LTV1: variants seen among roughly 807,000 people sequenced by gnomAD.
The protein encoded by LTV1 is LTV1 ribosome biogenesis factor, also known as protein LTV1 homolog.
Under a neutral mutation model 59.9 loss-of-function variants are expected in LTV1, and 39 were observed. That is an observed-to-expected ratio of 0.65 (90% CI 0.50 to 0.85). The LOEUF (loss-of-function observed/expected upper bound fraction) is 0.85, where lower values mean the gene tolerates loss of function less well. Ranked by LOEUF, LTV1 falls within the 40% of genes least tolerant of loss-of-function variation. The pLI is 0.00. For missense variants in LTV1, 493 were observed against 549.1 expected, an observed-to-expected ratio of 0.90 and a Z score of 1.02; for synonymous variants, 171 against 189.5, an observed-to-expected ratio of 0.90 and a Z score of 0.80.
In LTV1 at chr6:143,863,284, A is replaced by G. The variant is rs141603303; in HGVS notation, c.1315A>G (p.Lys439Glu). 194 of 1,612,486 alleles carry G rather than the reference A, an allele frequency of 1.2e-4. No homozygotes were observed. In the African/African-American group the frequency reaches 2.1e-3, roughly 18 times the overall value. The change falls in exon 10 of 11, where the codon AAG becomes GAG. Residue 439 changes from lysine to glutamate, a missense_variant and splice_region_variant. Coordinates refer to ENST00000367576, the MANE Select transcript of LTV1 (RefSeq NM_032860.5). This position sits in a 1 kb window ranked among gnomAD's most constrained non-coding sequence, Gnocchi z 4.5. ...ARKQAIKEERKERRVEKKANK... is the reference protein window; with the variant it reads ...ARKQAIKEEREERRVEKKANK... ...AAAGCAAGCTATAAAAGAAGAGCGC[A>G]AGGTAAAATATATTTTTCAAATGTG...
chr6:143,843,364 T>G lies in LTV1; in HGVS notation c.-114T>G. 1 of 1,294,936 alleles carries G rather than the reference T, an allele frequency of 7.7e-7. No homozygotes were observed. 80.2% of individuals were successfully genotyped at this position (1,294,936 alleles called of 1,614,324 possible). ...TGACGTTATCGCCGGGTCCTGGGGCTGCACGTGTGGTGAGGCCTACAGAAG... is the reference window on the plus strand; with the variant it reads ...TGACGTTATCGCCGGGTCCTGGGGCGGCACGTGTGGTGAGGCCTACAGAAG... On this transcript the variant is annotated 5_prime_UTR_variant, in exon 1 of 11. Coordinates refer to ENST00000367576, the MANE Select transcript of LTV1 (RefSeq NM_032860.5).
In LTV1 at chr6:143,863,125, C is replaced by G. The variant is rs772732110; in HGVS notation, c.1156C>G (p.Leu386Val). The G allele has an allele frequency of 1.2e-6, 2 of 1,613,922 alleles. No homozygotes were observed. Among genetic ancestry groups the G allele is most frequent in the Admixed American group, 1.7e-5 (1 of 60,016 alleles). ...AATATCTTCTAAAACAGGAATACCTCTCAATGTCTTACCAAAGAAAGGACT... is the reference window on the plus strand; with the variant it reads ...AATATCTTCTAAAACAGGAATACCTGTCAATGTCTTACCAAAGAAAGGACT... ...IRISSKTGIP[L>V]NVLPKKGLTA... The change falls in exon 10 of 11, where the codon CTC becomes GTC. Residue 386 changes from leucine (L) to valine (V), a missense_variant. Physicochemically the swap from Leu to Val is conservative, Grantham distance 32. Transcript: ENST00000367576. The surrounding 1 kb of genome is among the most constrained non-coding windows in gnomAD (Gnocchi z 4.5).
At chr6:143,856,385 C>G (rs1323802292) in intron 4 of LTV1, among the ~76,000 whole-genome samples, 1 of 152,146 alleles carries the variant, frequency 6.6e-6, no homozygotes, top group Non-Finnish European at 1.5e-5. Flanking sequence ...AGAACATGCT[C>G]CTTTAGCTCC....
At chr6:143,843,690 C>T (rs1338482015) in intron 1 of LTV1, among the ~76,000 whole-genome samples, 1 of 152,104 alleles carries the variant, frequency 6.6e-6, no homozygotes, top group Non-Finnish European at 1.5e-5. Flanking sequence ...GGGATGTGGC[C>T]CGGAGAGGAG....
chr6:143,843,672 G>T (rs1279621767), intron 1 of LTV1, among the ~76,000 whole-genome samples, 192 bp downstream of exon 1: 1 of 152,220 alleles, frequency 6.6e-6, no homozygotes, highest in Non-Finnish European at 1.5e-5. Context: ...CCACCGCCGA[G>T]CCTCCCTGGG....
Position 143,857,684 on chromosome 6 carries a change from G to A in LTV1, c.540-68G>A. 2 of 1,547,238 alleles carry A rather than the reference G, an allele frequency of 1.3e-6. No homozygotes were observed. Among genetic ancestry groups the A allele is most frequent in the Non-Finnish European group, 1.8e-6 (2 of 1,124,814 alleles). On this transcript the variant is annotated intron_variant, in intron 5 of 10. Transcript: ENST00000367576. The surrounding 1 kb of genome is among the most constrained non-coding windows in gnomAD (Gnocchi z 5.2). ...CCTGAAATACCTTCCAATTTTACTT[G>A]TGTAAAGTGGTTTTGTTCTGTTACT...
Position 143,857,877 on chromosome 6 carries a change from C to T in LTV1, c.665C>T (p.Thr222Ile). Residue 222 changes from threonine to isoleucine, a missense_variant, in exon 6 of 11, where the codon ACT becomes ATT. Thr to Ile is a moderately conservative substitution (Grantham distance 89). Transcript: ENST00000367576. The surrounding 1 kb of genome is among the most constrained non-coding windows in gnomAD (Gnocchi z 5.2). ...GACTGTATGTCTGTGCCCGGAAAAA[C>T]TCACAGAGCTATAGCAGATCACTTG... ...DEDCMSVPGKTHRAIADHLFW... is the reference protein window; with the variant it reads ...DEDCMSVPGKIHRAIADHLFW... 1.9e-6 allele frequency: 3 copies of T among 1,614,088 alleles called. No individual in the cohort carries two copies. The South Asian group carries it at 3.3e-5, about 18-fold the overall frequency.
rs947920271 is a variant in LTV1, at chr6:143,860,644, GA to G, written c.923+97del. The G allele has an allele frequency of 1.4e-4, 150 of 1,083,708 alleles. 1 individual carries two copies. The highest frequency in any genetic ancestry group is 6.7e-4 in the Middle Eastern group (3 of 4,460). The allele number at this position is 1,083,708 out of a possible 1,614,324, so 67.1% of individuals were successfully genotyped here. A position where few individuals can be genotyped will look rare whatever the true frequency, so the allele number is the denominator to read the frequency against. On this transcript the variant is annotated intron_variant, in intron 7 of 10. Coordinates refer to ENST00000367576, the MANE Select transcript of LTV1 (RefSeq NM_032860.5). ...AGGTCTATAGTATAACTGAATTGAG[GA>G]AAAAATTAACCTAGTCAAAATACAT... is the stretch of plus-strand genomic sequence containing the variant.
intron 3 of LTV1, among the ~76,000 whole-genome samples, chr6:143,849,520 G>A (rs1482742415): frequency 6.6e-6 from 1 of 152,170 alleles, no homozygotes; most frequent in Non-Finnish European, 1.5e-5. Context: ...TACCTCATGG[G>A]ATCTGAGGGA....
intron 3 of LTV1, among the ~76,000 whole-genome samples, chr6:143,849,339 G>C (rs1361597417): frequency 6.6e-6 from 1 of 152,138 alleles, no homozygotes; most frequent in Non-Finnish European, 1.5e-5. Context: ...TAGAGATTAG[G>C]ACATTATCTC....
chr6:143,853,091 A>G (rs1777013756), intron 4 of LTV1, among the ~76,000 whole-genome samples: 1 of 152,138 alleles, frequency 6.6e-6, no homozygotes, highest in African/African-American at 2.4e-5. Context: ...GATTCTTCCT[A>G]TCCATGAGCA....
intron 2 of LTV1, 97 bp from the exon 3 acceptor site, chr6:143,845,954 C>T: frequency 8.6e-7 from 1 of 1,159,936 alleles, no homozygotes; most frequent in Non-Finnish European, 1.2e-6. Flanking sequence ...GAAAGCTGTA[C>T]TCATTGTAAT....
chr6:143,853,894 A>T (rs1464794391), intron 4 of LTV1, among the ~76,000 whole-genome samples: 2 of 152,080 alleles, frequency 1.3e-5, no homozygotes, highest in African/African-American at 2.4e-5. Flanking sequence ...TTCATCAGGG[A>T]TATTGGCCTG....
chr6:143,858,979 G>C (rs527794391), intron 6 of LTV1, among the ~76,000 whole-genome samples: 1 of 152,240 alleles, frequency 6.6e-6, no homozygotes, highest in South Asian at 2.1e-4. Context: ...AAGAACGTGT[G>C]TAGGTCAAAA....
At chr6:143,844,780 C>G (rs924550394) in intron 2 of LTV1, among the ~76,000 whole-genome samples, 163 bp downstream of exon 2, 52 of 151,900 alleles carry the variant, frequency 3.4e-4, no homozygotes, top group African/African-American at 1.3e-3. Flanking sequence ...GCTGGGATTA[C>G]AGGCATGAGC....
intron 6 of LTV1, among the ~76,000 whole-genome samples, chr6:143,859,029 T>C (rs749342213): frequency 6.6e-6 from 1 of 152,304 alleles, no homozygotes; most frequent in East Asian, 1.9e-4. Context: ...CCCCCTTGAA[T>C]TCTGACATCC....
intron 1 of LTV1, among the ~76,000 whole-genome samples, chr6:143,844,151 T>A (rs989982456): frequency 2.6e-5 from 4 of 152,230 alleles, no homozygotes; most frequent in African/African-American, 9.6e-5. Flanking sequence ...GTAAAGTAGC[T>A]TTTAAGGCAT....
At position 143,863,757 on chromosome 6, in the gene LTV1, A is replaced by G. The variant is rs1777216901; in HGVS notation, c.*230A>G. 1 of 350,362 alleles carries G rather than the reference A, an allele frequency of 2.9e-6. No homozygotes were observed. Among genetic ancestry groups the G allele is most frequent in the African/African-American group, 2.1e-5 (1 of 47,638 alleles). The allele number at this position is 350,362 out of a possible 1,614,324, so 21.7% of individuals were successfully genotyped here. A position where few individuals can be genotyped will look rare whatever the true frequency, so the allele number is the denominator to read the frequency against. On this transcript the variant is annotated 3_prime_UTR_variant, in exon 11 of 11. Transcript: ENST00000367576. The surrounding 1 kb of genome is among the most constrained non-coding windows in gnomAD (Gnocchi z 4.5). ...GCTTACATTTGCTCTGAAGTAAATG[A>G]CTTCATGAATGTGAAATGTTTGATA...
Position 143,850,157 on chromosome 6 carries a change from A to G in LTV1, c.336A>G (p.Ser112=), listed in dbSNP as rs1776959097. ...GCACTGGAATTAAGTTGCCTTCATC[A>G]GTGTTTGCTTCAGAGTTTGAGGAAG... The part of the protein sequence containing the change: ...IPSTGIKLPS[S]VFASEFEEDV... Residue 112 remains serine (S), a synonymous_variant, in exon 4 of 11, where the codon TCA becomes TCG. Coordinates refer to ENST00000367576, the MANE Select transcript of LTV1 (RefSeq NM_032860.5). 6.2e-7 allele frequency: 1 copy of G among 1,613,690 alleles called. No homozygotes were observed. Among genetic ancestry groups the G allele is most frequent in the South Asian group, 1.1e-5 (1 of 91,004 alleles).
Sources: gnomAD v4.1 joint callset for allele counts (sites outside exome capture counted in the v4.1 genomes callset) on GRCh38, gnomAD v4.1.1 for gene constraint, Gnocchi (gnomAD v3.1) non-coding constraint, MANE v1.5 for transcripts, NCBI Gene and HGNC (gene_info 2026-07-23, HGNC 2026-07-21) for gene names.